The following DZIP1 variants were observed in gnomAD, a reference collection of about 807,000 sequenced individuals.
DZIP1 encodes DAZ interacting zinc finger protein 1.
A neutral mutation model predicts 107.6 loss-of-function variants in DZIP1; 97 were observed. That is an observed-to-expected ratio of 0.90 (90% CI 0.77 to 1.07). The LOEUF (loss-of-function observed/expected upper bound fraction) is 1.07, where lower values mean the gene tolerates loss of function less well. Ranked by LOEUF, DZIP1 falls within the 50% of genes least tolerant of loss-of-function variation. The pLI is 0.00. For missense variants in DZIP1, 1,035 were observed against 1,063.6 expected, an observed-to-expected ratio of 0.97 and a Z score of 0.37; for synonymous variants, 390 against 386.4, an observed-to-expected ratio of 1.01 and a Z score of -0.11.
intron 12 of DZIP1, 50 bp from the exon 13 acceptor site, chr13:95,609,563 T>C (rs2044912548): frequency 1.4e-6 from 2 of 1,419,640 alleles, no homozygotes; most frequent in African/African-American, 2.9e-5. Context: ...AGCTATGGAT[T>C]AAATTTTTGT....
Position 95,642,043 on chromosome 13 carries a change from C to A in DZIP1, c.-14G>T, listed in dbSNP as rs778315431. ...CTCAGCTTGCATAGGAGGAGCCGGG[C>A]GGTCTTTACCCAGCCTGGGCCGCCT... On this transcript the variant is annotated 5_prime_UTR_variant, in exon 4 of 23. Transcript: ENST00000376829. 17 of 1,563,190 alleles carry A rather than the reference C, an allele frequency of 1.1e-5. No homozygotes were observed. Among genetic ancestry groups the A allele is most frequent in the Admixed American group, 1.9e-5 (1 of 52,866 alleles).
intron 22 of DZIP1, among the ~76,000 whole-genome samples, chr13:95,583,888 T>C (rs1278514387): frequency 6.6e-6 from 1 of 152,014 alleles, no homozygotes; most frequent in African/African-American, 2.4e-5. Context: ...CTCAGGAGAC[T>C]GAGGCAGAAG....
chr13:95,631,734 T>C (rs1261658016), intron 6 of DZIP1, among the ~76,000 whole-genome samples: 2 of 152,166 alleles, frequency 1.3e-5, no homozygotes, highest in African/African-American at 2.4e-5. Context: ...AAGTTGTCCC[T>C]GGGTCTCACA....
In DZIP1 at chr13:95,587,184, C is replaced by T. The variant is rs559251860; in HGVS notation, c.2218+355G>A. Among the ~76,000 whole-genome samples the T allele has an allele frequency of 1.8e-3, 278 of 152,264 alleles. 2 individuals carry two copies. The highest frequency in any genetic ancestry group is 3.1e-3 in the Non-Finnish European group (210 of 68,014). Reference sequence around the variant, plus strand: ...AGAAGACAAGTCAAGGACAGAGGCGCGGAACAGACCCTCCCTGGCAGCCCT... The same window carrying T: ...AGAAGACAAGTCAAGGACAGAGGCGTGGAACAGACCCTCCCTGGCAGCCCT... On this transcript the variant is annotated intron_variant, in intron 20 of 22. Transcript: ENST00000376829.
At chr13:95,617,694 TG>T (rs1411525766) in intron 10 of DZIP1, among the ~76,000 whole-genome samples, 4 of 11,928 alleles carry the variant, frequency 3.4e-4, no homozygotes, top group African/African-American at 1.3e-3. Context: ...AGGCAGGGGG[TG>T]GGGCGGGGGG....
rs1226707344 is a variant in DZIP1 at position 95,590,349 on chromosome 13, A to T, written c.1773T>A (p.Phe591Leu). The change falls in exon 17 of 23, where the codon TTT becomes TTA. Residue 591 changes from phenylalanine to leucine, a missense_variant. By Grantham distance (22) the Phe-to-Leu change is conservative. Transcript: ENST00000376829. ...GTTCAAGGAATTCTCGAATTTGATG[A>T]AAGTTAGGTATTTCTCTTTCTTGCT... is the stretch of plus-strand genomic sequence containing the variant. ...RHKQEREIPN[F>L]HQIREFLEHQ... 2 of 1,613,950 alleles carry T rather than the reference A, an allele frequency of 1.2e-6. No homozygotes were observed. Among genetic ancestry groups the T allele is most frequent in the Non-Finnish European group, 8.5e-7 (1 of 1,179,948 alleles).
At chr13:95,598,422 T>C (rs2044519933) in intron 15 of DZIP1, among the ~76,000 whole-genome samples, 1 of 152,138 alleles carries the variant, frequency 6.6e-6, no homozygotes, top group South Asian at 2.1e-4. Context: ...AAAGTGTATA[T>C]CATATAGGTA....
intron 6 of DZIP1, 82 bp downstream of exon 6, chr13:95,633,152 G>A: frequency 7.8e-7 from 1 of 1,280,234 alleles, no homozygotes; most frequent in Admixed American, 1.9e-5. Context: ...AGAGGACTGG[G>A]AAATGCACTG....
chr13:95,587,724 G>A lies in DZIP1; in HGVS notation c.2033C>T (p.Pro678Leu). The change falls in exon 20 of 23, where the codon CCT (proline) becomes CTT (leucine). Residue 678 changes from proline to leucine, a missense_variant. Physicochemically the swap from Pro to Leu is moderately conservative, Grantham distance 98. Coordinates refer to ENST00000376829, the MANE Select transcript of DZIP1 (RefSeq NM_198968.4). The part of the protein sequence containing the change: ...FPRKSSTITT[P>L]PFSSEEEQED... ...CTGCTCCTCCTCTGAACTAAAAGGA[G>A]GGGTCCTACACAAATCAACACCGAG... The A allele has an allele frequency of 6.2e-7, 1 of 1,613,562 alleles. No homozygotes were observed. The highest frequency in any genetic ancestry group is 8.5e-7 in the Non-Finnish European group (1 of 1,179,874).
intron 10 of DZIP1, among the ~76,000 whole-genome samples, chr13:95,616,704 G>T (rs954235539): frequency 6.6e-6 from 1 of 152,076 alleles, no homozygotes; most frequent in Non-Finnish European, 1.5e-5. Context: ...GGTTCTCAGG[G>T]GGCCCTCAAG....
rs2044138904 is a variant in DZIP1 at position 95,585,568 on chromosome 13, GTT to G, written c.2349+436_2349+437del. 2.0e-5 allele frequency among the ~76,000 whole-genome samples: 3 copies of G among 152,312 alleles called. No individual in the cohort carries two copies. The South Asian group carries it at 6.2e-4, about 32-fold the overall frequency. ...TGGCTGTTAGAACCACTGGGAAAAT[GTT>G]TGGGCTTCTTCTCTAATGCAGACAG... is the stretch of plus-strand genomic sequence containing the variant. On this transcript the variant is annotated intron_variant, in intron 21 of 22. Transcript: ENST00000376829.
intron 15 of DZIP1, among the ~76,000 whole-genome samples, chr13:95,595,128 T>A (rs914718782): frequency 7.2e-5 from 11 of 152,242 alleles, no homozygotes; most frequent in Admixed American, 5.2e-4. Flanking sequence ...TGCCATTTCC[T>A]AGGTGTAGGG....
At chr13:95,588,015 A>T in intron 19 of DZIP1, 1 of 266,398 alleles carries the variant, frequency 3.8e-6, no homozygotes, top group Non-Finnish European at 7.0e-6. Context: ...TATTCTTAAT[A>T]ATTTTGGTTT....
rs781367095 is a variant in DZIP1, at chr13:95,641,530, A to G, written c.362T>C (p.Ile121Thr). 1 of 1,613,958 alleles carries G rather than the reference A, an allele frequency of 6.2e-7. No individual in the cohort carries two copies. Among genetic ancestry groups the G allele is most frequent in the Non-Finnish European group, 8.5e-7 (1 of 1,180,060 alleles). The change falls in exon 5 of 23, where the codon ATC (isoleucine) becomes ACC (threonine). Residue 121 changes from isoleucine (I) to threonine (T), a missense_variant. Physicochemically the swap from Ile to Thr is moderately conservative, Grantham distance 89 (BLOSUM62 -1). Coordinates refer to ENST00000376829, the MANE Select transcript of DZIP1 (RefSeq NM_198968.4). This position sits in a 1 kb window ranked among gnomAD's most constrained non-coding sequence, Gnocchi z 4.3. ...SGVDPVLLKL[I>T]RLAQFTIEYL... Reference sequence around the variant, plus strand: ...CTCGATGGTGAACTGCGCCAGACGGATGAGCTTCAGCAGCACCGGGTCCAC... The same window carrying G: ...CTCGATGGTGAACTGCGCCAGACGGGTGAGCTTCAGCAGCACCGGGTCCAC...
rs1160042225 is a variant in DZIP1, at chr13:95,589,785, G to A, written c.1973+18C>T. The A allele has an allele frequency of 5.0e-6, 8 of 1,608,892 alleles. No homozygotes were observed. The highest frequency in any genetic ancestry group is 2.7e-5 in the African/African-American group (2 of 74,790). On this transcript the variant is annotated intron_variant, in intron 18 of 22. Transcript: ENST00000376829. The stretch of plus-strand genomic sequence containing the variant: ...AGACAAACACTGATAAAATAAATCT[G>A]AGGGCTGAAATACTCACTTTGGAAC...
At chr13:95,592,685 GAATT>G (rs970481739) in intron 16 of DZIP1, among the ~76,000 whole-genome samples, 3 of 152,146 alleles carry the variant, frequency 2.0e-5, no homozygotes, top group East Asian at 1.9e-4. Flanking sequence ...ACATGTACAA[GAATT>G]AATAGCCAAG....
chr13:95,642,873 T>A (rs1233048007), intron 3 of DZIP1, among the ~76,000 whole-genome samples, 170 bp downstream of exon 3: 1 of 152,198 alleles, frequency 6.6e-6, no homozygotes, highest in Non-Finnish European at 1.5e-5. Flanking sequence ...GTTAGCAGCC[T>A]AAATATAACA....
At chr13:95,634,554 CA>C (rs1877575887) in intron 5 of DZIP1, among the ~76,000 whole-genome samples, 1 of 152,184 alleles carries the variant, frequency 6.6e-6, no homozygotes, top group South Asian at 2.1e-4. Flanking sequence ...AAAAAGAAGT[CA>C]ATTCCACGTA....
chr13:95,594,591 G>C (rs1446706145), intron 15 of DZIP1, among the ~76,000 whole-genome samples: 1 of 152,034 alleles, frequency 6.6e-6, no homozygotes. Flanking sequence ...CTTGGACCCA[G>C]GAGTTTGAGA....
Sources: gnomAD v4.1 joint callset for allele counts (sites outside exome capture counted in the v4.1 genomes callset) on GRCh38, gnomAD v4.1.1 for gene constraint, Gnocchi (gnomAD v3.1) non-coding constraint, MANE v1.5 for transcripts, NCBI Gene and HGNC (gene_info 2026-07-23, HGNC 2026-07-21) for gene names.